FHDC1: variants seen among roughly 807,000 people sequenced by gnomAD.
FHDC1 encodes FH2 domain-containing protein 1.
In FHDC1, 25 loss-of-function variants were observed where a neutral mutation model predicts 52.6. That is an observed-to-expected ratio of 0.48 (90% CI 0.35 to 0.66). FHDC1 has a LOEUF of 0.66. FHDC1 is among the 30% of genes least tolerant of loss of function. The pLI is 0.01. For missense variants in FHDC1, 1,459 were observed against 1,452.8 expected (o/e 1.00, Z -0.07); for synonymous variants, 616 against 581.5 (o/e 1.06, Z -0.85).
intron 4 of FHDC1, among the ~76,000 whole-genome samples, chr4:152,959,585 G>T (rs145750657): frequency 4.6e-5 from 7 of 152,184 alleles, no homozygotes; most frequent in African/African-American, 1.7e-4. Flanking sequence ...GGGCTTTTTG[G>T]GGGAGGGGCT....
In FHDC1 at chr4:152,976,329, C is replaced by T. The variant is rs764459582; in HGVS notation, c.3038C>T (p.Pro1013Leu). ...CRAHSEGPES[P>L]KEEPKTPSVP... The stretch of plus-strand genomic sequence containing the variant: ...GCCCACTCCGAGGGCCCTGAGAGTC[C>T]CAAAGAAGAGCCCAAGACCCCGTCA... Residue 1013 changes from proline (P) to leucine (L), a missense_variant, in exon 12 of 12, where the codon CCC (proline) becomes CTC (leucine). Pro to Leu is a moderately conservative substitution (Grantham distance 98). This residue lies in a region of FHDC1 where 939 missense variants were observed against 854.5 expected (regional missense o/e 1.10). Transcript: ENST00000511601. 1.9e-6 allele frequency: 3 copies of T among 1,613,700 alleles called. No individual in the cohort carries two copies. Among genetic ancestry groups the T allele is most frequent in the Admixed American group, 3.3e-5 (2 of 60,030 alleles).
At chr4:152,917,140 G>A in the FHDC1 span, 3 of 152,136 alleles carry the variant, frequency 2.0e-5, no homozygotes, top group African/African-American at 7.2e-5. Flanking sequence ...CTATTTGAAA[G>A]TTCAAGGGAA....
rs1005926674 is a variant in FHDC1 at position 152,978,176 on chromosome 4, A to G, written c.*1453A>G. 6.6e-6 allele frequency: 1 copy of G among 152,180 alleles called. No homozygotes were observed. The highest frequency in any genetic ancestry group is 6.5e-5 in the Admixed American group (1 of 15,274). 9.4% of individuals were successfully genotyped at this position (152,180 alleles called of 1,614,324 possible). On this transcript the variant is annotated 3_prime_UTR_variant, in exon 12 of 12. Transcript: ENST00000511601. ...CTGTTTGACAGTGTGCGTCTTTCCA[A>G]TCCCATGTTCCTCCATTCGTGTGTC...
chr4:152,976,373 G>T lies in FHDC1; in HGVS notation c.3082G>T (p.Glu1028Ter), dbSNP rs115336829. ...CCCGTCAGTGCCCAGCGTCCCCCAC[G>T]AACTACCCCGTGTCCCGAGCTTTGC... ...KTPSVPSVPH[E>*]LPRVPSFARN... is the part of the protein sequence containing the mutation. Residue 1028 changes from glutamate to a stop codon, truncating the protein, a stop_gained, in exon 12 of 12, where the codon GAA becomes TAA. Coordinates refer to ENST00000511601, the MANE Select transcript of FHDC1 (RefSeq NM_001371116.1). LOFTEE classifies it low-confidence loss of function (END_TRUNC). 1.9e-6 allele frequency: 3 copies of T among 1,613,670 alleles called. No homozygotes were observed. The highest frequency in any genetic ancestry group is 2.5e-6 in the Non-Finnish European group (3 of 1,180,002).
At chr4:152,913,724 G>A in the FHDC1 span, among the ~76,000 whole-genome samples, 1 of 152,024 alleles carries the variant, frequency 6.6e-6, no homozygotes, top group African/African-American at 2.4e-5. Flanking sequence ...CGTTGCCCAG[G>A]CTGCGGTGCA....
rs768882676 is a variant in FHDC1 at position 152,975,488 on chromosome 4, G to A, written c.2197G>A (p.Gly733Arg). The change falls in exon 12 of 12, where the codon GGG (glycine) becomes AGG (arginine). Residue 733 changes from glycine (G) to arginine (R), a missense_variant. This residue lies in a region of FHDC1 where 939 missense variants were observed against 854.5 expected (regional missense o/e 1.10). Transcript: ENST00000511601. ...SLTPMGRDAL[G>R]SLSPALEDGK... is the part of the protein sequence containing the mutation. ...GACACCCATGGGCAGAGATGCCCTGGGGAGTCTCAGCCCAGCGCTGGAGGA... is the reference window on the plus strand; with the variant it reads ...GACACCCATGGGCAGAGATGCCCTGAGGAGTCTCAGCCCAGCGCTGGAGGA... The A allele has an allele frequency of 2.5e-6, 4 of 1,613,264 alleles. No individual in the cohort carries two copies. The African/African-American group carries it at 4.0e-5, about 16-fold the overall frequency.
At chr4:152,948,630 T>G (rs1365738732) in intron 2 of FHDC1, among the ~76,000 whole-genome samples, 1 of 152,004 alleles carries the variant, frequency 6.6e-6, no homozygotes, top group Non-Finnish European at 1.5e-5. Flanking sequence ...TTTTTTTGTA[T>G]TTTTTAGTAG....
At chr4:152,926,169 A>G in the FHDC1 span, among the ~76,000 whole-genome samples, 2 of 151,724 alleles carry the variant, frequency 1.3e-5, no homozygotes, top group African/African-American at 4.8e-5. Flanking sequence ...AAACAGATTC[A>G]GTCCACTGAG....
At chr4:152,947,189 A>T (rs753180767) in intron 2 of FHDC1, among the ~76,000 whole-genome samples, 3 of 151,220 alleles carry the variant, frequency 2.0e-5, no homozygotes, top group Non-Finnish European at 4.4e-5. Flanking sequence ...ACTGTACTCT[A>T]GCTTGGGCAA....
At chr4:152,927,414 G>A in the FHDC1 span, 16 of 780,718 alleles carry the variant, frequency 2.0e-5, no homozygotes, top group East Asian at 4.9e-5. Context: ...TTATTTTGCC[G>A]GGACTCTATA....
chr4:152,949,776 G>C (rs1366059549), intron 2 of FHDC1, among the ~76,000 whole-genome samples: 2 of 152,220 alleles, frequency 1.3e-5, no homozygotes, highest in South Asian at 4.1e-4. Context: ...ACTGTGAGTA[G>C]AGCCCAGGCC....
chr4:152,928,091 T>G, the FHDC1 span: 10 of 1,226,672 alleles, frequency 8.2e-6, no homozygotes, highest in Non-Finnish European at 1.2e-5. Context: ...CCCAGGCCTG[T>G]GCACCTACTC....
chr4:152,958,002 T>C (rs925834), intron 4 of FHDC1, among the ~76,000 whole-genome samples: 72,730 of 151,962 alleles, frequency 0.48, 17,680 homozygotes, highest in South Asian at 0.65. Context: ...CCTGAAGCAG[T>C]TTGAGTTGCC....
In FHDC1 at chr4:152,943,234, T is replaced by TCCCCCCC; in HGVS notation, c.179_180insCCCCCCC (p.Pro63ThrfsTer33). The TCCCCCCC allele has an allele frequency of 9.0e-7, 1 of 1,107,502 alleles. No individual in the cohort carries two copies. Among genetic ancestry groups the TCCCCCCC allele is most frequent in the Non-Finnish European group, 1.2e-6 (1 of 827,192 alleles). The allele number at this position is 1,107,502 out of a possible 1,614,324, so 68.6% of individuals were successfully genotyped here. ...GGGAAGAGTGTCCTTCCTCCCCTCCTCCACCCCCACCACCTCCACTTCCTG... is the reference window on the plus strand; with the variant it reads ...GGGAAGAGTGTCCTTCCTCCCCTCCTCCCCCCCCCACCCCCACCACCTCCACTTCCTG... On this transcript the variant is annotated frameshift_variant, in exon 2 of 12. Coordinates refer to ENST00000511601, the MANE Select transcript of FHDC1 (RefSeq NM_001371116.1). LOFTEE classifies it high-confidence loss of function.
chr4:152,978,715 G>C lies in FHDC1; in HGVS notation c.*1992G>C, dbSNP rs1740984324. 6.6e-6 allele frequency: 1 copy of C among 151,846 alleles called. No homozygotes were observed. The highest frequency in any genetic ancestry group is 1.5e-5 in the Non-Finnish European group (1 of 67,798). The allele number at this position is 151,846 out of a possible 1,614,324, so 9.4% of individuals were successfully genotyped here. A position where few individuals can be genotyped will look rare whatever the true frequency, so the allele number is the denominator to read the frequency against. On this transcript the variant is annotated 3_prime_UTR_variant, in exon 12 of 12. Transcript: ENST00000511601. The stretch of plus-strand genomic sequence containing the variant: ...CCTCATTTTAGATCTGACATTGGTA[G>C]ATAGATGGATTTAGGCAAATATGAT...
chr4:152,938,160 C>T (rs577990133), intron 1 of FHDC1, among the ~76,000 whole-genome samples: 111 of 151,194 alleles, frequency 7.3e-4, no homozygotes, highest in African/African-American at 2.4e-3. Context: ...TCCCTTCCCT[C>T]TCTCTAGAGC....
chr4:152,919,132 C>G, the FHDC1 span, among the ~76,000 whole-genome samples: 19,379 of 152,324 alleles, frequency 0.13, 1,288 homozygotes, highest in Middle Eastern at 0.18. Context: ...CCTTCAATGA[C>G]TGGAGGCCCA....
Position 152,974,928 on chromosome 4 carries a change from C to T in FHDC1, c.1637C>T (p.Ser546Phe), listed in dbSNP as rs555391359. 133 of 1,612,374 alleles carry T rather than the reference C, an allele frequency of 8.2e-5. No individual in the cohort carries two copies. The highest frequency in any genetic ancestry group is 1.0e-4 in the Non-Finnish European group (123 of 1,179,848). ...CGCTCCCGCCTCTCCCTGGGTCCCTCTGCTGACCGGGAGCTGCTGACCTTC... is the reference window on the plus strand; with the variant it reads ...CGCTCCCGCCTCTCCCTGGGTCCCTTTGCTGACCGGGAGCTGCTGACCTTC... The part of the protein sequence containing the change: ...TRRSRLSLGP[S>F]ADRELLTFLE... Residue 546 changes from serine (S) to phenylalanine (F), a missense_variant, in exon 12 of 12, where the codon TCT becomes TTT. By Grantham distance (155) the Ser-to-Phe change is radical. Transcript: ENST00000511601.
chr4:152,944,456 C>T (rs1388036471), intron 2 of FHDC1, among the ~76,000 whole-genome samples: 1 of 152,124 alleles, frequency 6.6e-6, no homozygotes, highest in African/African-American at 2.4e-5. Flanking sequence ...ATTTAAAAAT[C>T]TGTCATAAAG....
Sources: gnomAD v4.1 joint callset for allele counts (sites outside exome capture counted in the v4.1 genomes callset) on GRCh38, gnomAD v4.1.1 for gene constraint, gnomAD v4.1.1 regional missense constraint, MANE v1.5 for transcripts, NCBI Gene and HGNC (gene_info 2026-07-23, HGNC 2026-07-21) for gene names.